The following PRRG1 variants were observed in gnomAD, a reference collection of about 807,000 sequenced individuals.
PRRG1 encodes the protein proline rich and Gla domain 1.
Under a neutral mutation model 11.8 loss-of-function variants are expected in PRRG1, and 5 were observed. The observed-to-expected ratio is 0.42, with a 90% CI of 0.22 to 0.89. The LOEUF (loss-of-function observed/expected upper bound fraction) is 0.89, where lower values mean the gene tolerates loss of function less well. Ranked by LOEUF, PRRG1 falls within the 40% of genes least tolerant of loss-of-function variation. The probability of loss-of-function intolerance (pLI) is 0.28; values close to 1 mark genes in which losing one functional copy is unlikely to be tolerated. For missense variants in PRRG1, 155 were observed against 166.1 expected, an observed-to-expected ratio of 0.93 and a Z score of 0.37; for synonymous variants, 66 against 60.4, an observed-to-expected ratio of 1.09 and a Z score of -0.43.
chrX:37,401,669 C>G (rs1334848174), intron 1 of PRRG1, among the ~76,000 whole-genome samples: 28 of 111,060 alleles, frequency 2.5e-4, no homozygotes, highest in African/African-American at 8.8e-4. Flanking sequence ...AAAGGGTATT[C>G]AATTAGGAAA....
chrX:37,401,765 C>T (rs1450314572), intron 1 of PRRG1, among the ~76,000 whole-genome samples: 1 of 111,265 alleles, frequency 9.0e-6, no homozygotes, highest in African/African-American at 3.3e-5. Flanking sequence ...TCTCCTTAAG[C>T]TGATAAGCAA....
chrX:37,406,313 T>A (rs955933476), intron 2 of PRRG1, 54 bp downstream of exon 2: 57 of 1,090,162 alleles, frequency 5.2e-5, no homozygotes, highest in Non-Finnish European at 7.0e-5. Flanking sequence ...GCTATTATAG[T>A]CAGGAAATTA....
rs56857980 is a variant in PRRG1, at chrX:37,379,031, CTTTTTTTTTTTTT to C, written c.-41-27163_-41-27151del. On this transcript the variant is annotated intron_variant, in intron 1 of 3. Coordinates refer to ENST00000378628, the MANE Select transcript of PRRG1 (RefSeq NM_001142395.2). ...TATATTGAATTGCGACATCTTTTTG[CTTTTTTTTTTTTT>C]TTTTTTTTTTTTTTAGCATGGGATT... 2.4e-4 allele frequency among the ~76,000 whole-genome samples: 7 copies of C among 28,760 alleles called. No homozygotes were observed. The South Asian group carries it at 0.013, about 54-fold the overall frequency. The allele number at this position is 28,760 out of a possible 115,157, so 25.0% of individuals were successfully genotyped here. A position where few individuals can be genotyped will look rare whatever the true frequency, so the allele number is the denominator to read the frequency against.
intron 2 of PRRG1, among the ~76,000 whole-genome samples, chrX:37,417,000 T>G (rs899924293): frequency 4.5e-5 from 5 of 111,552 alleles, no homozygotes; most frequent in Non-Finnish European, 7.5e-5. Flanking sequence ...AGATAGTTAG[T>G]GTCACTCTGG....
rs1921323865 is a variant in PRRG1 at position 37,455,570 on chromosome X, A to C, written c.*1949A>C. The C allele has an allele frequency of 8.9e-6, 1 of 112,263 alleles. No homozygotes were observed. Among genetic ancestry groups the C allele is most frequent in the Non-Finnish European group, 1.9e-5 (1 of 53,295 alleles). The allele number at this position is 112,263 out of a possible 1,213,427, so 9.3% of individuals were successfully genotyped here. A position where few individuals can be genotyped will look rare whatever the true frequency, so the allele number is the denominator to read the frequency against. On this transcript the variant is annotated 3_prime_UTR_variant, in exon 4 of 4. Transcript: ENST00000378628. Reference sequence around the variant, plus strand: ...TGCCAACTGAAAGATGATAGTCCACACAGCACAAACAGGTTTAAGCAAATG... The same window carrying C: ...TGCCAACTGAAAGATGATAGTCCACCCAGCACAAACAGGTTTAAGCAAATG...
intron 3 of PRRG1, among the ~76,000 whole-genome samples, chrX:37,447,886 C>T (rs1197307848): frequency 8.9e-6 from 1 of 112,302 alleles, no homozygotes; most frequent in Non-Finnish European, 1.9e-5. Flanking sequence ...TGGATATATA[C>T]CAAATAGTAA....
At chrX:37,437,649 T>C (rs1053997517) in intron 3 of PRRG1, among the ~76,000 whole-genome samples, 4 of 112,088 alleles carry the variant, frequency 3.6e-5, no homozygotes, top group Non-Finnish European at 5.6e-5. Flanking sequence ...GACATTCAAA[T>C]TGGGATTTGA....
At position 37,455,365 on chromosome X, in the gene PRRG1, C is replaced by G. The variant is rs149907881; in HGVS notation, c.*1744C>G. On this transcript the variant is annotated 3_prime_UTR_variant, in exon 4 of 4. Coordinates refer to ENST00000378628, the MANE Select transcript of PRRG1 (RefSeq NM_001142395.2). ...TGTGAAGAGCTATCTACACTAAGTT[C>G]GTAATGTTATTATTATTGTGCTTCA... 1 of 112,329 alleles carries G rather than the reference C, an allele frequency of 8.9e-6. No homozygotes were observed. The highest frequency in any genetic ancestry group is 1.9e-5 in the Non-Finnish European group (1 of 53,312). The allele number at this position is 112,329 out of a possible 1,213,427, so 9.3% of individuals were successfully genotyped here.
chrX:37,447,622 G>T (rs1162522584), intron 3 of PRRG1, among the ~76,000 whole-genome samples: 1 of 112,469 alleles, frequency 8.9e-6, no homozygotes, highest in Non-Finnish European at 1.9e-5. Flanking sequence ...TTGAGATAGA[G>T]AAGTGAGATG....
chrX:37,446,896 C>G (rs782453094), intron 3 of PRRG1, among the ~76,000 whole-genome samples: 3 of 111,140 alleles, frequency 2.7e-5, no homozygotes, highest in Admixed American at 9.6e-5. Context: ...AGAACTAGTC[C>G]AGTCTCTCCA....
At chrX:37,356,103 C>T (rs2146918244) in intron 1 of PRRG1, among the ~76,000 whole-genome samples, 1 of 112,180 alleles carries the variant, frequency 8.9e-6, no homozygotes, top group African/African-American at 3.2e-5. Context: ...GAGGCGCTTG[C>T]ATCGTATTTG....
intron 2 of PRRG1, among the ~76,000 whole-genome samples, chrX:37,406,909 G>C (rs1932203629): frequency 8.9e-6 from 1 of 111,906 alleles, no homozygotes; most frequent in South Asian, 3.7e-4. Context: ...AAAAGGGTCA[G>C]AATCTAGTTT....
rs1921304974 is a variant in PRRG1, at chrX:37,455,204, T to C, written c.*1583T>C. 9.0e-6 allele frequency: 1 copy of C among 111,713 alleles called. No individual in the cohort carries two copies. The highest frequency in any genetic ancestry group is 1.9e-5 in the Non-Finnish European group (1 of 53,171). 9.2% of individuals were successfully genotyped at this position (111,713 alleles called of 1,213,427 possible). A position where few individuals can be genotyped will look rare whatever the true frequency, so the allele number is the denominator to read the frequency against. The stretch of plus-strand genomic sequence containing the variant: ...CCCTCTATCACATGCTTGCCACCAC[T>C]GTACCTTGAGCAAGAATCATATCTG... On this transcript the variant is annotated 3_prime_UTR_variant, in exon 4 of 4. Coordinates refer to ENST00000378628, the MANE Select transcript of PRRG1 (RefSeq NM_001142395.2).
intron 2 of PRRG1, among the ~76,000 whole-genome samples, chrX:37,417,259 T>A (rs916990542): frequency 3.6e-5 from 4 of 110,969 alleles, no homozygotes; most frequent in African/African-American, 1.3e-4. Flanking sequence ...TAATAATCAT[T>A]ATTTTTTTCT....
intron 3 of PRRG1, among the ~76,000 whole-genome samples, chrX:37,432,146 G>A (rs1238286178): frequency 9.4e-6 from 1 of 106,090 alleles, no homozygotes; most frequent in African/African-American, 3.5e-5. Flanking sequence ...GGAGTGCAGT[G>A]GCGCAATCTC....
intron 2 of PRRG1, among the ~76,000 whole-genome samples, chrX:37,416,763 T>A (rs1932508796): frequency 8.9e-6 from 1 of 112,529 alleles, no homozygotes; most frequent in Non-Finnish European, 1.9e-5. Context: ...TAATTGCTAT[T>A]AATTTGATTG....
chrX:37,359,176 G>C (rs1440726610), intron 1 of PRRG1, among the ~76,000 whole-genome samples: 6 of 111,543 alleles, frequency 5.4e-5, no homozygotes, highest in Non-Finnish European at 9.4e-5. Context: ...ATTTTGAAAA[G>C]GAGTGGTGAG....
intron 2 of PRRG1, among the ~76,000 whole-genome samples, chrX:37,419,785 A>G (rs1350641756): frequency 9.0e-6 from 1 of 111,509 alleles, no homozygotes; most frequent in Non-Finnish European, 1.9e-5. Flanking sequence ...GTCAGGTGCA[A>G]TCAGCCTATA....
chrX:37,424,311 G>A (rs1932744973), intron 2 of PRRG1, among the ~76,000 whole-genome samples: 1 of 111,218 alleles, frequency 9.0e-6, no homozygotes, highest in Non-Finnish European at 1.9e-5. Context: ...AGCAGCAGCA[G>A]CAGCATTTCC....
Sources: allele counts gnomAD v4.1 joint callset (sites outside exome capture counted in the v4.1 genomes callset), GRCh38; gene constraint gnomAD v4.1.1; transcripts MANE v1.5; gene names NCBI Gene and HGNC (gene_info 2026-07-23, HGNC 2026-07-21).